NEMF: variants seen among roughly 807,000 people sequenced by gnomAD.
The protein encoded by NEMF is ribosome quality control complex subunit NEMF.
Under a neutral mutation model 162.2 loss-of-function variants are expected in NEMF, and 89 were observed. That is an observed-to-expected ratio of 0.55 (90% confidence interval 0.46 to 0.65). NEMF has a LOEUF of 0.65. Ranked by LOEUF, NEMF falls within the 30% of genes least tolerant of loss-of-function variation. NEMF has a pLI of 0.00. For synonymous variants in NEMF, 421 were observed against 404.5 expected, an observed-to-expected ratio of 1.04 and a Z score of -0.49; for missense variants, 1,133 against 1,261.9, an observed-to-expected ratio of 0.90 and a Z score of 1.55.
rs764609691 is a variant in NEMF, at chr14:49,832,297, A to C, written c.736-20T>G. ...ATATCCCTACAAAAATGCAACATTA[A>C]AATCATTCCTATTCATAATTAACAA... On this transcript the variant is annotated intron_variant, in intron 8 of 32. Coordinates refer to ENST00000298310, the MANE Select transcript of NEMF (RefSeq NM_004713.6). The C allele has an allele frequency of 8.9e-6, 13 of 1,468,570 alleles. No individual in the cohort carries two copies. The South Asian group carries it at 1.2e-4, about 14-fold the overall frequency. The allele number at this position is 1,468,570 out of a possible 1,614,324, so 91.0% of individuals were successfully genotyped here. A position where few individuals can be genotyped will look rare whatever the true frequency, so the allele number is the denominator to read the frequency against.
chr14:49,851,595 T>C lies in NEMF; in HGVS notation c.199A>G (p.Lys67Glu). The C allele has an allele frequency of 6.2e-7, 1 of 1,613,808 alleles. No individual in the cohort carries two copies. The highest frequency in any genetic ancestry group is 8.5e-7 in the Non-Finnish European group (1 of 1,179,778). The part of the protein sequence containing the change: ...RIHTTEFEWP[K>E]NMMPSSFAMK... ...GCAAAACTAGACGGCATCATATTCT[T>C]AGGCCACTCAAATTCTGTTGTATGA... Residue 67 changes from lysine (K) to glutamate (E), a missense_variant, in exon 3 of 33, where the codon AAG becomes GAG. By Grantham distance (56) the Lys-to-Glu change is moderately conservative. Coordinates refer to ENST00000298310, the MANE Select transcript of NEMF (RefSeq NM_004713.6).
At position 49,782,432 on chromosome 14, in the gene NEMF, A is replaced by G. The variant is rs745327119; in HGVS notation, c.*2204T>C. The G allele has an allele frequency of 6.2e-7, 1 of 1,612,366 alleles. No individual in the cohort carries two copies. Among genetic ancestry groups the G allele is most frequent in the South Asian group, 1.1e-5 (1 of 91,030 alleles). ...GTAATTGTTTTTGGTGGATGTGCCA[A>G]CAACTTGCTTGTCCATCACAGAGCT... On this transcript the variant is annotated 3_prime_UTR_variant, in exon 33 of 33. Coordinates refer to ENST00000298310, the MANE Select transcript of NEMF (RefSeq NM_004713.6).
rs748700897 is a variant in NEMF at position 49,782,365 on chromosome 14, T to C, written c.*2271A>G. The C allele has an allele frequency of 1.9e-6, 3 of 1,598,510 alleles. No individual in the cohort carries two copies. Among genetic ancestry groups the C allele is most frequent in the Non-Finnish European group, 1.7e-6 (2 of 1,171,106 alleles). ...GCTTCAAACTCGTTTTTGTTTTAAATGCAGGTTATGGCACACAGCTTGTGC... is the reference window on the plus strand; with the variant it reads ...GCTTCAAACTCGTTTTTGTTTTAAACGCAGGTTATGGCACACAGCTTGTGC... On this transcript the variant is annotated 3_prime_UTR_variant, in exon 33 of 33. Transcript: ENST00000298310.
rs1212564193 is a variant in NEMF at position 49,828,612 on chromosome 14, T to C, written c.1424+4A>G. The C allele has an allele frequency of 6.5e-7, 1 of 1,542,460 alleles. No homozygotes were observed. Among genetic ancestry groups the C allele is most frequent in the Non-Finnish European group, 8.7e-7 (1 of 1,152,980 alleles). ...GGCCTAAAATGTAAAGTTAAATGAC[T>C]TACTTTTTGGCATTGGCATATGCTG... On this transcript the variant is annotated splice_donor_region_variant and intron_variant, in intron 14 of 32. Coordinates refer to ENST00000298310, the MANE Select transcript of NEMF (RefSeq NM_004713.6).
intron 23 of NEMF, 56 bp from the exon 24 acceptor site, chr14:49,799,734 A>T (rs937219930): frequency 1.4e-6 from 2 of 1,422,070 alleles, no homozygotes. Context: ...ATGCATTTAC[A>T]AAGTCCCAAA....
rs73281990 is a variant in NEMF at position 49,819,883 on chromosome 14, T to C, written c.1578-5026A>G. Among the ~76,000 whole-genome samples the C allele has an allele frequency of 3.6e-3, 553 of 152,228 alleles. 4 individuals carry two copies. The highest frequency in any genetic ancestry group is 0.012 in the African/African-American group (516 of 41,548). ...AGGGTGTAGGATGTTGTGATACCCA[T>C]TAGCTAATTACCTTTGGGAAATGAT... On this transcript the variant is annotated intron_variant, in intron 16 of 32. Coordinates refer to ENST00000298310, the MANE Select transcript of NEMF (RefSeq NM_004713.6).
chr14:49,848,274 T>A (rs917312007), intron 3 of NEMF, among the ~76,000 whole-genome samples: 3 of 152,266 alleles, frequency 2.0e-5, no homozygotes, highest in Admixed American at 1.3e-4. Flanking sequence ...CATTCTTTAT[T>A]AAATCCCCTT....
chr14:49,805,503 GA>G (rs11295089), intron 19 of NEMF, among the ~76,000 whole-genome samples: 146,466 of 147,296 alleles, frequency 0.99, 72,819 homozygotes, highest in Middle Eastern at 1. Context: ...TCTCTATAAA[GA>G]AAAAAAAAAA....
At chr14:49,820,097 A>G (rs143475644) in intron 16 of NEMF, 2,347 of 218,120 alleles carry the variant, frequency 0.011, 27 homozygotes, top group South Asian at 0.013. Context: ...GTCTACAGGC[A>G]CAAGCCACCA....
chr14:49,852,232 T>C (rs1213864146), intron 1 of NEMF, among the ~76,000 whole-genome samples: 1 of 152,050 alleles, frequency 6.6e-6, no homozygotes, highest in Admixed American at 6.6e-5. Context: ...GGCTGAATAA[T>C]AGAATCCAGA....
intron 28 of NEMF, among the ~76,000 whole-genome samples, chr14:49,788,820 G>C (rs1016847762): frequency 4.6e-5 from 7 of 152,114 alleles, no homozygotes; most frequent in African/African-American, 1.7e-4. Flanking sequence ...GCCTCTCAAA[G>C]TGCTGGGATT....
intron 28 of NEMF, 113 bp from the exon 29 acceptor site, chr14:49,786,863 C>G (rs1405350577): frequency 1.0e-6 from 1 of 959,630 alleles, no homozygotes; most frequent in Non-Finnish European, 1.6e-6. Flanking sequence ...TCATTTCTGA[C>G]CCACAGGATA....
At chr14:49,847,154 G>A (rs1020339353) in intron 3 of NEMF, among the ~76,000 whole-genome samples, 2 of 151,994 alleles carry the variant, frequency 1.3e-5, no homozygotes, top group Non-Finnish European at 2.9e-5. Context: ...AAAGTGCTGG[G>A]ATTACAGGCA....
chr14:49,811,293 C>T (rs1891467292), intron 18 of NEMF, among the ~76,000 whole-genome samples: 2 of 152,136 alleles, frequency 1.3e-5, no homozygotes, highest in Non-Finnish European at 1.5e-5. Flanking sequence ...TTTTTGTTTA[C>T]TGATCTCATA....
At chr14:49,831,741 A>T (rs1356016262) in intron 10 of NEMF, among the ~76,000 whole-genome samples, 1 of 152,222 alleles carries the variant, frequency 6.6e-6, no homozygotes, top group Non-Finnish European at 1.5e-5. Context: ...CCAGCTGCAT[A>T]CACAGAATTT....
chr14:49,783,041 ATTG>A lies in NEMF; in HGVS notation c.*1592_*1594del, dbSNP rs1275420767. The A allele has an allele frequency of 2.9e-5, 41 of 1,401,934 alleles. No homozygotes were observed. The East Asian group carries it at 4.9e-4, about 17-fold the overall frequency. The allele number at this position is 1,401,934 out of a possible 1,614,324, so 86.8% of individuals were successfully genotyped here. On this transcript the variant is annotated 3_prime_UTR_variant, in exon 33 of 33. Coordinates refer to ENST00000298310, the MANE Select transcript of NEMF (RefSeq NM_004713.6). ...TGGCATCATTTGTATAATTATATGC[ATTG>A]TTGTAGTTTGCACCTGTTGGTTTTA...
intron 4 of NEMF, among the ~76,000 whole-genome samples, chr14:49,842,409 C>G (rs1168285069): frequency 1.3e-5 from 2 of 152,036 alleles, no homozygotes; most frequent in African/African-American, 4.8e-5. Context: ...GCTAGATAAC[C>G]TTTTCAATAA....
intron 4 of NEMF, among the ~76,000 whole-genome samples, chr14:49,843,546 C>G (rs1010330888): frequency 1.3e-5 from 2 of 152,114 alleles, no homozygotes; most frequent in African/African-American, 4.8e-5. Flanking sequence ...TCATGCATTG[C>G]TTAACAATGG....
chr14:49,803,802 G>C (rs954547639), intron 19 of NEMF, among the ~76,000 whole-genome samples: 5 of 152,106 alleles, frequency 3.3e-5, no homozygotes, highest in Admixed American at 3.3e-4. Context: ...GGGATTACAG[G>C]CGTGAGCCAC....
Sources: gnomAD v4.1 joint callset for allele counts (sites outside exome capture counted in the v4.1 genomes callset) on GRCh38, gnomAD v4.1.1 for gene constraint, MANE v1.5 for transcripts, NCBI Gene and HGNC (gene_info 2026-07-23, HGNC 2026-07-21) for gene names.